ME1: variants seen among roughly 807,000 people sequenced by gnomAD.
ME1 encodes malic enzyme 1.
In ME1, 74 loss-of-function variants were observed where a neutral mutation model predicts 66.4. That is an observed-to-expected ratio of 1.11 (90% CI 0.92 to 1.35). The LOEUF is 1.35. ME1 is among the 40% of genes most tolerant of loss of function. The pLI is 0.00. For synonymous variants in ME1, 251 were observed against 235.6 expected (o/e 1.07, Z -0.60); for missense variants, 750 against 694.1 (o/e 1.08, Z -0.90).
chr6:83,412,458 G>A (rs989058227), intron 1 of ME1, among the ~76,000 whole-genome samples: 13 of 151,970 alleles, frequency 8.6e-5, no homozygotes, highest in Middle Eastern at 3.4e-3. Flanking sequence ...AAAATGTGTC[G>A]GATTAACTAA....
At chr6:83,421,409 A>G (rs1422289034) in intron 1 of ME1, among the ~76,000 whole-genome samples, 1 of 152,250 alleles carries the variant, frequency 6.6e-6, no homozygotes, top group Admixed American at 6.5e-5. Flanking sequence ...GGTTCTGTGC[A>G]AAGTGGTAGC....
chr6:83,276,487 T>G (rs1767184538), intron 6 of ME1, among the ~76,000 whole-genome samples: 1 of 152,164 alleles, frequency 6.6e-6, no homozygotes, highest in Non-Finnish European at 1.5e-5. Context: ...TTCTCAGATA[T>G]TCCATGACAT....
chr6:83,401,362 T>C (rs1215627788), intron 2 of ME1, among the ~76,000 whole-genome samples: 1 of 152,114 alleles, frequency 6.6e-6, no homozygotes, highest in East Asian at 1.9e-4. Flanking sequence ...TAATAATTTA[T>C]GTAAATTTCA....
chr6:83,359,640 A>C (rs9449613), intron 3 of ME1, among the ~76,000 whole-genome samples: 9,065 of 152,224 alleles, frequency 0.06, 490 homozygotes, highest in African/African-American at 0.14. Flanking sequence ...GGTTTAATGT[A>C]GAGGAAGGGA....
At chr6:83,348,231 A>G (rs749207378) in intron 4 of ME1, among the ~76,000 whole-genome samples, 9 of 152,208 alleles carry the variant, frequency 5.9e-5, no homozygotes, top group South Asian at 2.1e-4. Flanking sequence ...AAAAAGATAA[A>G]TACTGCAGAT....
intron 1 of ME1, among the ~76,000 whole-genome samples, chr6:83,417,729 C>A (rs555012106): frequency 6.6e-6 from 1 of 152,186 alleles, no homozygotes; most frequent in East Asian, 1.9e-4. Flanking sequence ...ATGCAGACAA[C>A]CTTGATATTG....
chr6:83,263,129 C>T (rs1340716448), intron 6 of ME1, among the ~76,000 whole-genome samples: 3 of 152,144 alleles, frequency 2.0e-5, no homozygotes, highest in Non-Finnish European at 4.4e-5. Context: ...GACCTGTGAT[C>T]AGTGATCTTT....
chr6:83,212,008 A>G lies in ME1; in HGVS notation c.1635T>C (p.Tyr545=). 1.2e-6 allele frequency: 2 copies of G among 1,613,296 alleles called. No homozygotes were observed. The highest frequency in any genetic ancestry group is 8.5e-7 in the Non-Finnish European group (1 of 1,179,468). Residue 545 remains tyrosine, a synonymous_variant, in exon 14 of 14, where the codon TAT becomes TAC. Transcript: ENST00000369705. ...NKEAFVRSQM[Y]STDYDQILPD... The stretch of plus-strand genomic sequence containing the variant: ...GTAGAATCTGGTCATAATCAGTACT[A>G]TACATCTGGGAGCGGACAAATGCTT...
intron 9 of ME1, among the ~76,000 whole-genome samples, chr6:83,235,530 G>T (rs1367206803): frequency 6.7e-6 from 1 of 148,574 alleles, no homozygotes; most frequent in Non-Finnish European, 1.5e-5. Flanking sequence ...GAGTGCAGTG[G>T]CGCGATCTCG....
At chr6:83,371,430 A>G (rs1769191510) in intron 3 of ME1, among the ~76,000 whole-genome samples, 1 of 151,410 alleles carries the variant, frequency 6.6e-6, no homozygotes, top group Non-Finnish European at 1.5e-5. Context: ...GAAAACTGAC[A>G]GAGACTCACA....
chr6:83,333,796 G>T (rs144711026), intron 5 of ME1, among the ~76,000 whole-genome samples: 2 of 152,252 alleles, frequency 1.3e-5, no homozygotes, highest in Admixed American at 1.3e-4. Context: ...TTGAGTCAAA[G>T]ATGAAAACAT....
chr6:83,362,453 C>A (rs902056887), intron 3 of ME1, among the ~76,000 whole-genome samples: 1 of 152,230 alleles, frequency 6.6e-6, no homozygotes, highest in African/African-American at 2.4e-5. Flanking sequence ...TCCCCAGCCA[C>A]CCCTGTCATC....
At chr6:83,266,598 G>A (rs1273484543) in intron 6 of ME1, among the ~76,000 whole-genome samples, 1 of 152,092 alleles carries the variant, frequency 6.6e-6, no homozygotes, top group African/African-American at 2.4e-5. Context: ...AAAATATTAT[G>A]TTCCCTGTTT....
At chr6:83,343,961 T>C (rs113648213) in intron 5 of ME1, among the ~76,000 whole-genome samples, 1 of 152,128 alleles carries the variant, frequency 6.6e-6, no homozygotes, top group Non-Finnish European at 1.5e-5. Context: ...CAGCTTTTTT[T>C]TAATGTCCAC....
chr6:83,392,103 G>T (rs552128177), intron 3 of ME1, among the ~76,000 whole-genome samples: 21 of 152,354 alleles, frequency 1.4e-4, no homozygotes, highest in Non-Finnish European at 2.8e-4. Context: ...AATAATTGTT[G>T]CAGCTCTCTG....
At chr6:83,272,309 A>T (rs1365918554) in intron 6 of ME1, among the ~76,000 whole-genome samples, 1 of 150,472 alleles carries the variant, frequency 6.6e-6, no homozygotes, top group Non-Finnish European at 1.5e-5. Context: ...ATCCTAACAG[A>T]GAAGCATTTT....
Position 83,223,907 on chromosome 6 carries a change from A to T in ME1, c.1302T>A (p.Ser434Arg), listed in dbSNP as rs1318474374. The T allele has an allele frequency of 8.7e-6, 14 of 1,613,884 alleles. No individual in the cohort carries two copies. The highest frequency in any genetic ancestry group is 1.2e-5 in the Non-Finnish European group (14 of 1,179,960). Reference protein sequence around the residue: ...TKGRAIFASGSPFDPVTLPNG... With the variant: ...TKGRAIFASGRPFDPVTLPNG... ...TTGGAAGAGTGACTGGATCAAAAGG[A>T]CTGCCACTGGCAAAAATTGCACGTC... The change falls in exon 12 of 14, where the codon AGT becomes AGA. Residue 434 changes from serine (S) to arginine (R), a missense_variant. Coordinates refer to ENST00000369705, the MANE Select transcript of ME1 (RefSeq NM_002395.6).
Position 83,223,835 on chromosome 6 carries a change from G to A in ME1, c.1374C>T (p.Phe458=). 2.5e-6 allele frequency: 4 copies of A among 1,613,944 alleles called. No individual in the cohort carries two copies. The Admixed American group carries it at 5.0e-5, about 20-fold the overall frequency. The change falls in exon 12 of 14, where the codon TTC becomes TTT. Residue 458 remains phenylalanine (F), a synonymous_variant. Coordinates refer to ENST00000369705, the MANE Select transcript of ME1 (RefSeq NM_002395.6). ...CCACAACACCAAGAGCAACTCCAGG[G>A]AACACATAGGAATTGTTGCCTTGGC... ...YPGQGNNSYV[F]PGVALGVVAC...
chr6:83,309,218 G>A (rs1484404871), intron 6 of ME1, among the ~76,000 whole-genome samples: 1 of 152,042 alleles, frequency 6.6e-6, no homozygotes, highest in Non-Finnish European at 1.5e-5. Flanking sequence ...GTTGAGGACA[G>A]ACTAAAGGGC....
Sources: allele counts gnomAD v4.1 joint callset (sites outside exome capture counted in the v4.1 genomes callset), GRCh38; gene constraint gnomAD v4.1.1; transcripts MANE v1.5; gene names NCBI Gene and HGNC (gene_info 2026-07-23, HGNC 2026-07-21).